Variants in LYG1 observed in about 807,000 individuals in gnomAD.
LYG1 encodes the protein lysozyme g1, also known as lysozyme g-like protein 1.
Under a neutral mutation model 21.7 loss-of-function variants are expected in LYG1, and 17 were observed. The ratio of observed to expected loss-of-function variants is 0.78; its 90% CI spans 0.54 to 1.18. LYG1 has a LOEUF of 1.18. Ranked by LOEUF, LYG1 falls within the 50% of genes most tolerant of loss-of-function variation. The pLI, the probability that LYG1 is intolerant of heterozygous loss-of-function variation, is 0.00. For missense variants in LYG1, 211 were observed against 238.1 expected, an observed-to-expected ratio of 0.89 and a Z score of 0.75; for synonymous variants, 81 against 87.4, an observed-to-expected ratio of 0.93 and a Z score of 0.41.
intron 5 of LYG1, among the ~76,000 whole-genome samples, chr2:99,285,404 A>C: frequency 6.6e-6 from 1 of 151,932 alleles, no homozygotes; most frequent in East Asian, 1.9e-4. Context: ...AAATATTTGC[A>C]GTAAGGAGAC....
At chr2:99,295,510 A>G in intron 3 of LYG1, 118 bp downstream of exon 3, 1 of 1,250,190 alleles carries the variant, frequency 8.0e-7, no homozygotes, top group Non-Finnish European at 1.2e-6. Flanking sequence ...GATTTGTTGG[A>G]CAGTTTAGGG....
rs548140388 is a variant in LYG1 at position 99,296,788 on chromosome 2, G to C, written c.-32-1086C>G. Among the ~76,000 whole-genome samples, 5 of 152,286 alleles carry C rather than the reference G, an allele frequency of 3.3e-5. No individual in the cohort carries two copies. The East Asian group carries it at 9.6e-4, about 29-fold the overall frequency. On this transcript the variant is annotated intron_variant, in intron 2 of 6. Transcript: ENST00000308528. ...GCTTCTCTCATCTCTTTTGTTTTGA[G>C]GTTAACCTTATGGGTTGTTTCTTTC...
At position 99,291,355 on chromosome 2, in the gene LYG1, A is replaced by T; in HGVS notation, c.215T>A (p.Met72Lys). Residue 72 changes from methionine to lysine, a missense_variant, in exon 5 of 7, where the codon ATG becomes AAG. Physicochemically the swap from Met to Lys is moderately conservative, Grantham distance 95. Coordinates refer to ENST00000308528, the MANE Select transcript of LYG1 (RefSeq NM_174898.3). ...GCAGTACTTTTGGCCAATGGTTTGC[A>T]TCATGGGTTGATATTTCAGGAGGTA... The part of the protein sequence containing the change: ...MPYLLKYQPM[M>K]QTIGQKYCMD... The T allele has an allele frequency of 6.2e-7, 1 of 1,614,202 alleles. No individual in the cohort carries two copies. The highest frequency in any genetic ancestry group is 8.5e-7 in the Non-Finnish European group (1 of 1,180,034).
At chr2:99,303,170 T>G (rs547651989), upstream of LYG1, among the ~76,000 whole-genome samples, 1 of 152,114 alleles carries the variant, frequency 6.6e-6, no homozygotes, top group African/African-American at 2.4e-5. Flanking sequence ...ACTGGGTTCC[T>G]CTCGGTTGTT....
At chr2:99,295,235 T>G (rs1318388271) in intron 3 of LYG1, among the ~76,000 whole-genome samples, 1 of 152,248 alleles carries the variant, frequency 6.6e-6, no homozygotes, top group African/African-American at 2.4e-5. Flanking sequence ...CTCGGTTGCC[T>G]TGATTCTGGT....
intron 5 of LYG1, 23 bp downstream of exon 5, chr2:99,291,212 CAT>C (rs772005481): frequency 1.0e-4 from 160 of 1,607,586 alleles, no homozygotes; most frequent in Non-Finnish European, 1.3e-4. Context: ...AGAATGGCCA[CAT>C]GTGTCAACGG....
At chr2:99,299,260 T>C (rs1431698296) in intron 1 of LYG1, among the ~76,000 whole-genome samples, 1 of 150,092 alleles carries the variant, frequency 6.7e-6, no homozygotes, top group Non-Finnish European at 1.5e-5. Flanking sequence ...TCTTTTTGTT[T>C]TTTCTTTTTC....
intron 4 of LYG1, among the ~76,000 whole-genome samples, chr2:99,291,862 T>C (rs2094119587): frequency 6.6e-6 from 1 of 152,214 alleles, no homozygotes; most frequent in African/African-American, 2.4e-5. Context: ...TTGCACAGTT[T>C]TCCACTCCTA....
At chr2:99,294,337 C>T (rs2105297648) in intron 3 of LYG1, among the ~76,000 whole-genome samples, 1 of 152,290 alleles carries the variant, frequency 6.6e-6, no homozygotes, top group East Asian at 1.9e-4. Context: ...TGTGTGTTTA[C>T]ATAAATGCAT....
Position 99,284,760 on chromosome 2 carries a change from C to T in LYG1, c.394G>A (p.Glu132Lys), listed in dbSNP as rs1187241954. Residue 132 changes from glutamate to lysine, a missense_variant, in exon 6 of 7, where the codon GAA becomes AAA. Coordinates refer to ENST00000308528, the MANE Select transcript of LYG1 (RefSeq NM_174898.3). ...TCTTTGATTCTAGTAGTCAGAACTTCAGTTGTCTGGGAAACCTGAGACTCA... is the reference window on the plus strand; with the variant it reads ...TCTTTGATTCTAGTAGTCAGAACTTTAGTTGTCTGGGAAACCTGAGACTCA... ...ISESQVSQTT[E>K]VLTTRIKEIQ... The T allele has an allele frequency of 1.9e-6, 3 of 1,613,936 alleles. No individual in the cohort carries two copies. Among genetic ancestry groups the T allele is most frequent in the African/African-American group, 1.3e-5 (1 of 75,036 alleles).
At chr2:99,294,379 G>T (rs2094130077) in intron 3 of LYG1, among the ~76,000 whole-genome samples, 1 of 152,012 alleles carries the variant, frequency 6.6e-6, no homozygotes, top group Non-Finnish European at 1.5e-5. Flanking sequence ...AACTTTATGG[G>T]GTTGATAAAT....
chr2:99,292,409 G>A, intron 4 of LYG1, 127 bp downstream of exon 4: 1 of 686,184 alleles, frequency 1.5e-6, no homozygotes, highest in Non-Finnish European at 2.5e-6. Flanking sequence ...GGGCAGCTAA[G>A]TGACTTGTTC....
At position 99,291,250 on chromosome 2, in the gene LYG1, G is replaced by A. The variant is rs368819880; in HGVS notation, c.320C>T (p.Thr107Ile). Residue 107 changes from threonine to isoleucine, a missense_variant, in exon 5 of 7, where the codon ACT (threonine) becomes ATT (isoleucine). By Grantham distance (89) the Thr-to-Ile change is moderately conservative. Transcript: ENST00000308528. Reference sequence around the variant, plus strand: ...ATGAAGAGTTACCTGCACCATGCTAGTCCTATCGCCCATGTTGACCAGAAT... The same window carrying A: ...ATGAAGAGTTACCTGCACCATGCTAATCCTATCGCCCATGTTGACCAGAAT... ...DKILVNMGDR[T>I]SMVQDPGSQA... 1.2e-5 allele frequency: 19 copies of A among 1,614,016 alleles called. No homozygotes were observed. The highest frequency in any genetic ancestry group is 1.5e-5 in the Non-Finnish European group (18 of 1,180,024).
chr2:99,292,587 T>G lies in LYG1; in HGVS notation c.97A>C (p.Thr33Pro), dbSNP rs1409178048. 1.2e-6 allele frequency: 2 copies of G among 1,614,172 alleles called. No homozygotes were observed. The highest frequency in any genetic ancestry group is 2.2e-5 in the South Asian group (2 of 91,084). Residue 33 changes from threonine (T) to proline (P), a missense_variant, in exon 4 of 7, where the codon ACC (threonine) becomes CCC (proline). Transcript: ENST00000308528. ...GCYGNIQSLD[T>P]PGASCGIGRR... ...CCAATCCCACAAGATGCTCCAGGGGTGTCCAGGCTTTGGATGTTTCCATAG... is the reference window on the plus strand; with the variant it reads ...CCAATCCCACAAGATGCTCCAGGGGGGTCCAGGCTTTGGATGTTTCCATAG...
intron 2 of LYG1, 46 bp from the exon 3 acceptor site, chr2:99,295,748 C>A (rs1328416012): frequency 6.5e-7 from 1 of 1,540,550 alleles, no homozygotes; most frequent in Non-Finnish European, 9.0e-7. Flanking sequence ...TATCAGTCAT[C>A]ATCATAACCA....
intron 5 of LYG1, among the ~76,000 whole-genome samples, chr2:99,289,870 G>T (rs957816436): frequency 8.2e-5 from 12 of 146,290 alleles, no homozygotes; most frequent in African/African-American, 2.7e-4. Flanking sequence ...TGTTGTTGTT[G>T]TTTTTTGAGA....
At chr2:99,302,911 G>A (rs560651537), upstream of LYG1, among the ~76,000 whole-genome samples, 3 of 152,078 alleles carry the variant, frequency 2.0e-5, no homozygotes, top group African/African-American at 7.2e-5. Context: ...CCAGCTACTC[G>A]GGAGGCTGAG....
At chr2:99,297,561 T>G (rs2094140592) in intron 2 of LYG1, among the ~76,000 whole-genome samples, 1 of 152,236 alleles carries the variant, frequency 6.6e-6, no homozygotes, top group Admixed American at 6.5e-5. Flanking sequence ...GAACTAAATA[T>G]CTGTGTTGAG....
At position 99,286,080 on chromosome 2, in the gene LYG1, G is replaced by A. The variant is rs946948941; in HGVS notation, c.334-1260C>T. Among the ~76,000 whole-genome samples the A allele has an allele frequency of 1.2e-4, 18 of 152,056 alleles. 1 individual carries two copies. Among genetic ancestry groups the A allele is most frequent in the African/African-American group, 4.3e-4 (18 of 41,394 alleles). ...TGGTGGCTTTATAAGAAGAGGAAGA[G>A]AGACTAAGCCAGCACACTCAGCCTC... On this transcript the variant is annotated intron_variant, in intron 5 of 6. Transcript: ENST00000308528.
Sources: allele counts gnomAD v4.1 joint callset (sites outside exome capture counted in the v4.1 genomes callset), GRCh38; gene constraint gnomAD v4.1.1; transcripts MANE v1.5; gene names NCBI Gene and HGNC (gene_info 2026-07-23, HGNC 2026-07-21).